The following DENND2A variants were observed in gnomAD, a reference collection of about 807,000 sequenced individuals.
The protein encoded by DENND2A is DENN domain-containing protein 2A.
In DENND2A, 53 loss-of-function variants were observed where a neutral mutation model predicts 105.3. The observed-to-expected ratio is 0.50, with a 90% CI of 0.40 to 0.63. The LOEUF is 0.63. DENND2A is among the 30% of genes least tolerant of loss of function. The pLI is 0.00. For missense variants in DENND2A, 1,138 were observed against 1,279.6 expected (o/e 0.89, Z 1.69); for synonymous variants, 522 against 508.4 (o/e 1.03, Z -0.36).
At position 140,602,045 on chromosome 7, in the gene DENND2A, CCGACGTTCA is replaced by C; in HGVS notation, c.344_352del (p.Val115_Val117del). ...TTGCCCCGGCTCTGGGTCCTGTCCCCCGACGTTCACTGCTCCTTTATTCCTCTCCTTCTC... is the reference window on the plus strand; with the variant it reads ...TTGCCCCGGCTCTGGGTCCTGTCCCCCTGCTCCTTTATTCCTCTCCTTCTC... On this transcript the variant is annotated inframe_deletion, in exon 3 of 20. Coordinates refer to ENST00000496613, the MANE Select transcript of DENND2A (RefSeq NM_015689.5). 1 of 1,614,222 alleles carries C rather than the reference CCGACGTTCA, an allele frequency of 6.2e-7. No individual in the cohort carries two copies. Among genetic ancestry groups the C allele is most frequent in the African/African-American group, 1.3e-5 (1 of 75,068 alleles).
At chr7:140,549,843 C>T (rs1260713739) in intron 12 of DENND2A, among the ~76,000 whole-genome samples, 1 of 151,952 alleles carries the variant, frequency 6.6e-6, no homozygotes, top group Non-Finnish European at 1.5e-5. Flanking sequence ...GTGGAAACAA[C>T]CCAAATGTCC....
chr7:140,539,965 G>A (rs1244090590), intron 14 of DENND2A, among the ~76,000 whole-genome samples: 2 of 152,214 alleles, frequency 1.3e-5, no homozygotes, highest in Non-Finnish European at 2.9e-5. Context: ...ACAAGACAGC[G>A]GAGTCCCGGA....
intron 5 of DENND2A, among the ~76,000 whole-genome samples, chr7:140,582,084 C>A (rs1311267450): frequency 6.6e-6 from 1 of 151,996 alleles, no homozygotes; most frequent in East Asian, 1.9e-4. Flanking sequence ...CCTGCCTCTG[C>A]CTCCCGAGTA....
intron 1 of DENND2A, among the ~76,000 whole-genome samples, chr7:140,635,256 C>T (rs1377849241): frequency 6.6e-6 from 1 of 152,036 alleles, no homozygotes; most frequent in African/African-American, 2.4e-5. Flanking sequence ...GAGCAAGACG[C>T]TGTCTAAAAA....
chr7:140,563,470 A>G (rs951244165), intron 9 of DENND2A, among the ~76,000 whole-genome samples: 14 of 152,114 alleles, frequency 9.2e-5, no homozygotes, highest in African/African-American at 1.2e-4. Flanking sequence ...AAACATTTTA[A>G]TGGAACATTA....
intron 4 of DENND2A, among the ~76,000 whole-genome samples, chr7:140,586,460 G>A (rs1355096138): frequency 6.6e-6 from 1 of 152,176 alleles, no homozygotes; most frequent in East Asian, 1.9e-4. Flanking sequence ...TTGGGAGGCT[G>A]AGGCAGGAGA....
At chr7:140,588,177 C>T (rs1232966755) in intron 3 of DENND2A, among the ~76,000 whole-genome samples, 2 of 152,150 alleles carry the variant, frequency 1.3e-5, no homozygotes, top group Admixed American at 1.3e-4. Flanking sequence ...TCCAAAAGTG[C>T]TGGGATTATA....
chr7:140,617,561 A>G (rs1800129458), intron 1 of DENND2A, among the ~76,000 whole-genome samples: 1 of 152,056 alleles, frequency 6.6e-6, no homozygotes, highest in African/African-American at 2.4e-5. Context: ...CAAAAATACA[A>G]ACATTATCTG....
intron 12 of DENND2A, among the ~76,000 whole-genome samples, chr7:140,554,097 G>A (rs1231737686): frequency 2.0e-5 from 3 of 152,028 alleles, no homozygotes; most frequent in Non-Finnish European, 4.4e-5. Context: ...GTGGTGGCAT[G>A]TGCCTGTAGT....
At chr7:140,615,971 A>G (rs2130711648) in intron 1 of DENND2A, among the ~76,000 whole-genome samples, 1 of 152,366 alleles carries the variant, frequency 6.6e-6, no homozygotes, top group Middle Eastern at 3.4e-3. Context: ...GTTGAGATAC[A>G]TGTTACAACA....
intron 17 of DENND2A, among the ~76,000 whole-genome samples, chr7:140,522,661 T>C (rs1174036480): frequency 1.3e-5 from 2 of 151,064 alleles, no homozygotes; most frequent in Non-Finnish European, 2.9e-5. Context: ...CAGGCTGGAG[T>C]GCAGTGGTGT....
intron 1 of DENND2A, among the ~76,000 whole-genome samples, chr7:140,630,116 CTT>C (rs879553771): frequency 2.1e-5 from 3 of 142,792 alleles, no homozygotes; most frequent in African/African-American, 7.7e-5. Flanking sequence ...TGCGCCAGGT[CTT>C]TTTTTTTTTT....
At chr7:140,612,165 TG>T (rs1799923442) in intron 1 of DENND2A, among the ~76,000 whole-genome samples, 1 of 151,410 alleles carries the variant, frequency 6.6e-6, no homozygotes, top group Non-Finnish European at 1.5e-5. Flanking sequence ...CGCTTGAACC[TG>T]GGAGGCGGAG....
chr7:140,583,970 G>A (rs374857242), intron 5 of DENND2A, among the ~76,000 whole-genome samples: 7 of 141,904 alleles, frequency 4.9e-5, no homozygotes, highest in Non-Finnish European at 1.0e-4. Context: ...GGTCAGGTGC[G>A]GTGGCTCACG....
At chr7:140,609,006 G>A (rs922164726) in intron 1 of DENND2A, among the ~76,000 whole-genome samples, 3 of 152,116 alleles carry the variant, frequency 2.0e-5, no homozygotes, top group Non-Finnish European at 4.4e-5. Context: ...TCTCTTGCTC[G>A]CAAGAAATCA....
intron 12 of DENND2A, among the ~76,000 whole-genome samples, chr7:140,549,685 G>A (rs1797040871): frequency 6.6e-6 from 1 of 152,158 alleles, no homozygotes; most frequent in African/African-American, 2.4e-5. Context: ...AGACAGTATG[G>A]CAGTTCCTCA....
At chr7:140,619,524 C>T (rs1176669986) in intron 1 of DENND2A, among the ~76,000 whole-genome samples, 2 of 151,152 alleles carry the variant, frequency 1.3e-5, no homozygotes, top group Non-Finnish European at 1.5e-5. Flanking sequence ...GAGATGGAGT[C>T]TCACTCACTC....
chr7:140,573,811 G>A lies in DENND2A; in HGVS notation c.1443C>T (p.Pro481=). Reference sequence around the variant, plus strand: ...TGAAGCTTGTTGCCACCATTACCTTGGGTATCTTTCTCTTCTTCCTGCCGT... The same window carrying A: ...TGAAGCTTGTTGCCACCATTACCTTAGGTATCTTTCTCTTCTTCCTGCCGT... ...PQNGRKKRKI[P]KLVLRINAIY... Residue 481 remains proline (P), a synonymous_variant, in exon 6 of 20, where the codon CCC becomes CCT. Transcript: ENST00000496613. The A allele has an allele frequency of 6.2e-7, 1 of 1,613,308 alleles. No homozygotes were observed. The highest frequency in any genetic ancestry group is 8.5e-7 in the Non-Finnish European group (1 of 1,179,562).
intron 2 of DENND2A, among the ~76,000 whole-genome samples, chr7:140,602,815 AT>A (rs1322986952): frequency 1.3e-5 from 2 of 151,990 alleles, no homozygotes; most frequent in Admixed American, 6.6e-5. Flanking sequence ...CTCTACAAAA[AT>A]TTTTTTTAAA....
Sources: allele counts gnomAD v4.1 joint callset (sites outside exome capture counted in the v4.1 genomes callset), GRCh38; gene constraint gnomAD v4.1.1; transcripts MANE v1.5; gene names NCBI Gene and HGNC (gene_info 2026-07-23, HGNC 2026-07-21).